Variants in POLQ observed in about 807,000 individuals in gnomAD.
POLQ encodes the protein epididymis secretory sperm binding protein.
In POLQ, 233 loss-of-function variants were observed where a neutral mutation model predicts 259.2. That is an observed-to-expected ratio of 0.90 (90% CI 0.81 to 1.00). The LOEUF (loss-of-function observed/expected upper bound fraction) is 1.00, where lower values mean the gene tolerates loss of function less well. Ranked by LOEUF, POLQ falls within the 50% of genes least tolerant of loss-of-function variation. The pLI is 0.00. For synonymous variants in POLQ, 1,025 were observed against 1,048.8 expected (o/e 0.98, Z 0.44); for missense variants, 2,871 against 3,051.6 (o/e 0.94, Z 1.39).
Position 121,488,518 on chromosome 3 carries a change from T to C in POLQ, c.4413A>G (p.Val1471=). The change falls in exon 16 of 30, where the codon GTA becomes GTG. Residue 1471 remains valine, a synonymous_variant. Transcript: ENST00000264233. ...LIPQKRTPTG[V]EGECLPVPET... ...CAGGAACTGGAAGACATTCTCCTTC[T>C]ACACCAGTGGGAGTTCTCTTTTGAG... 6.2e-7 allele frequency: 1 copy of C among 1,610,488 alleles called. No individual in the cohort carries two copies. Among genetic ancestry groups the C allele is most frequent in the Non-Finnish European group, 8.5e-7 (1 of 1,178,802 alleles).
At position 121,488,848 on chromosome 3, in the gene POLQ, C is replaced by T; in HGVS notation, c.4083G>A (p.Gln1361=). 3 of 1,613,952 alleles carry T rather than the reference C, an allele frequency of 1.9e-6. No individual in the cohort carries two copies. The highest frequency in any genetic ancestry group is 2.5e-6 in the Non-Finnish European group (3 of 1,179,908). The change falls in exon 16 of 30, where the codon CAG becomes CAA. Residue 1361 remains glutamine (Q), a synonymous_variant. Coordinates refer to ENST00000264233, the MANE Select transcript of POLQ (RefSeq NM_199420.4). Reference sequence around the variant, plus strand: ...CCTTCTGAAAAGAGTTCATTGAGTTCTGTTGGACTAAGCTCTTCTGCATTA... The same window carrying T: ...CCTTCTGAAAAGAGTTCATTGAGTTTTGTTGGACTAAGCTCTTCTGCATTA... ...AGIMQKSLVQ[Q]NSMNSFQKEC...
Position 121,483,044 on chromosome 3 carries a change from G to A in POLQ, c.5970+342C>T, listed in dbSNP as rs1576412244. ...TGCCTCCACCCTCATGAATATTTAA[G>A]ACCTCCTGCTATCATACACCTAAAT... On this transcript the variant is annotated intron_variant, in intron 18 of 29. Coordinates refer to ENST00000264233, the MANE Select transcript of POLQ (RefSeq NM_199420.4). Among the ~76,000 whole-genome samples the A allele has an allele frequency of 6.6e-5, 10 of 152,114 alleles. No individual in the cohort carries two copies. In the South Asian group the frequency reaches 1.9e-3, roughly 28 times the overall value.
At chr3:121,469,713 G>A (rs925521367) in intron 22 of POLQ, among the ~76,000 whole-genome samples, 9 of 151,682 alleles carry the variant, frequency 5.9e-5, no homozygotes, top group Non-Finnish European at 1.0e-4. Context: ...AAGCAACACT[G>A]GCAGACCAAA....
chr3:121,506,258 C>A (rs1247745563), intron 12 of POLQ, among the ~76,000 whole-genome samples: 3 of 144,556 alleles, frequency 2.1e-5, no homozygotes, highest in African/African-American at 5.2e-5. Context: ...TATAAAAAAA[C>A]CTTTAAAACT....
In POLQ at chr3:121,489,224, T is replaced by C. The variant is rs1337884869; in HGVS notation, c.3707A>G (p.Asn1236Ser). Residue 1236 changes from asparagine (N) to serine (S), a missense_variant, in exon 16 of 30, where the codon AAT becomes AGT. Asn to Ser is a conservative substitution (Grantham distance 46). This residue lies in a region of POLQ where 2,080 missense variants were observed against 2,126.0 expected (regional missense o/e 0.98). Transcript: ENST00000264233. ...TGTATTAAGCTTTATCCTTTCACAA[T>C]TGATAGTAACATTTGAGTCTCTATT... Reference protein sequence around the residue: ...YINRDSNVTINCERIKLNTEE... With the variant: ...YINRDSNVTISCERIKLNTEE... 1.2e-6 allele frequency: 2 copies of C among 1,612,282 alleles called. No individual in the cohort carries two copies. The highest frequency in any genetic ancestry group is 4.5e-5 in the East Asian group (2 of 44,866).
intron 16 of POLQ, 72 bp from the exon 17 acceptor site, chr3:121,485,256 T>A: frequency 9.3e-7 from 1 of 1,079,016 alleles, no homozygotes; most frequent in African/African-American, 1.6e-5. Context: ...TTAAAACAAT[T>A]ATAATAAAAA....
In POLQ at chr3:121,510,056, G is replaced by C. The variant is rs2048241312; in HGVS notation, c.1799C>G (p.Ala600Gly). Reference protein sequence around the residue: ...LENEFIQSTEASDGTEGKVYH... With the variant: ...LENEFIQSTEGSDGTEGKVYH... ...ACACTTACCTTCTGTTCCATCACTG[G>C]CTTCTGTACTCTGGATGAATTCATT... The change falls in exon 11 of 30, where the codon GCC (alanine) becomes GGC (glycine). Residue 600 changes from alanine to glycine, a missense_variant. Transcript: ENST00000264233. The C allele has an allele frequency of 6.2e-7, 1 of 1,613,390 alleles. No individual in the cohort carries two copies. The highest frequency in any genetic ancestry group is 1.1e-5 in the South Asian group (1 of 91,052).
At chr3:121,443,388 G>A (rs1279492805) in intron 26 of POLQ, among the ~76,000 whole-genome samples, 2 of 152,216 alleles carry the variant, frequency 1.3e-5, no homozygotes, top group East Asian at 3.9e-4. Flanking sequence ...AAACCTCTTT[G>A]CCATTTGTAT....
chr3:121,525,254 T>C (rs1249758565), intron 7 of POLQ, among the ~76,000 whole-genome samples: 2 of 150,916 alleles, frequency 1.3e-5, no homozygotes, highest in Non-Finnish European at 2.9e-5. Flanking sequence ...GGCAGGAGAA[T>C]GGCGTGAACC....
At chr3:121,497,160 A>G (rs2048131386) in intron 13 of POLQ, among the ~76,000 whole-genome samples, 1 of 152,234 alleles carries the variant, frequency 6.6e-6, no homozygotes, top group Non-Finnish European at 1.5e-5. Context: ...TGTCTGTATA[A>G]CAAAAACCTG....
chr3:121,453,815 T>C (rs2047703551), intron 25 of POLQ, among the ~76,000 whole-genome samples: 1 of 152,050 alleles, frequency 6.6e-6, no homozygotes. Flanking sequence ...CTGCAGGATA[T>C]AATCCAGGAG....
chr3:121,535,363 T>C (rs148952419), intron 5 of POLQ, among the ~76,000 whole-genome samples: 278 of 152,268 alleles, frequency 1.8e-3, no homozygotes, highest in African/African-American at 6.2e-3. Flanking sequence ...AATGAAGTAA[T>C]GCCTTGACAA....
chr3:121,541,721 G>A (rs1206331399), intron 2 of POLQ, among the ~76,000 whole-genome samples: 3 of 152,110 alleles, frequency 2.0e-5, no homozygotes, highest in African/African-American at 7.2e-5. Context: ...GAATACTACT[G>A]AGTACCTAGT....
chr3:121,471,296 A>G (rs72969972), intron 22 of POLQ, among the ~76,000 whole-genome samples: 4 of 152,184 alleles, frequency 2.6e-5, no homozygotes, highest in Admixed American at 2.6e-4. Flanking sequence ...CCAGAGGCCT[A>G]CTCAGATTCA....
At position 121,545,936 on chromosome 3, in the gene POLQ, A is replaced by G. The variant is rs780561753; in HGVS notation, c.-59T>C. On this transcript the variant is annotated 5_prime_UTR_variant, in exon 1 of 30. Transcript: ENST00000264233. The stretch of plus-strand genomic sequence containing the variant: ...CAGTCCCAGCGTCCTCCCTCTCGGG[A>G]GAACCCTGGCCTGGCAACAGCTGCG... 2.5e-5 allele frequency: 40 copies of G among 1,593,572 alleles called. No individual in the cohort carries two copies. The highest frequency in any genetic ancestry group is 1.6e-4 in the Middle Eastern group (1 of 6,068).
At chr3:121,500,278 C>CAAAA (rs1187939050) in intron 12 of POLQ, among the ~76,000 whole-genome samples, 2 of 52,834 alleles carry the variant, frequency 3.8e-5, no homozygotes, top group African/African-American at 5.8e-5. Flanking sequence ...GAATATGTCT[C>CAAAA]AAAAAAAAAA....
At chr3:121,445,188 AGTTATT>A (rs1163014916) in intron 26 of POLQ, among the ~76,000 whole-genome samples, 1 of 152,182 alleles carries the variant, frequency 6.6e-6, no homozygotes, top group African/African-American at 2.4e-5. Context: ...GATTGGTATT[AGTTATT>A]TAAATTTTTG....
At chr3:121,433,359 G>A (rs1261328986) in intron 28 of POLQ, among the ~76,000 whole-genome samples, 1 of 152,170 alleles carries the variant, frequency 6.6e-6, no homozygotes, top group Non-Finnish European at 1.5e-5. Context: ...ACCACCATCT[G>A]AGTAATAGCA....
intron 2 of POLQ, among the ~76,000 whole-genome samples, chr3:121,543,406 A>G (rs1315629090): frequency 6.6e-6 from 1 of 152,250 alleles, no homozygotes; most frequent in Admixed American, 6.5e-5. Flanking sequence ...CGAGGCACAC[A>G]TACTCACAAA....
Sources: gnomAD v4.1 joint callset for allele counts (sites outside exome capture counted in the v4.1 genomes callset) on GRCh38, gnomAD v4.1.1 for gene constraint, gnomAD v4.1.1 regional missense constraint, MANE v1.5 for transcripts, NCBI Gene and HGNC (gene_info 2026-07-23, HGNC 2026-07-21) for gene names.